BCAS3: variants seen among roughly 807,000 people sequenced by gnomAD.
BCAS3 encodes the protein BCAS4/BCAS3 fusion.
BCAS3 carries 53 observed loss-of-function variants against 116.1 expected under a neutral mutation model. The observed-to-expected ratio is 0.46, with a 90% CI of 0.37 to 0.57. The LOEUF (loss-of-function observed/expected upper bound fraction) is 0.57, where lower values mean the gene tolerates loss of function less well. Among genes scored for constraint, BCAS3 ranks in the 20% least tolerant of loss-of-function variants. The probability of loss-of-function intolerance (pLI) is 0.00; values close to 1 mark genes in which losing one functional copy is unlikely to be tolerated. For synonymous variants in BCAS3, 391 were observed against 408.2 expected (o/e 0.96, Z 0.51); for missense variants, 917 against 1,165.4 (o/e 0.79, Z 3.10).
rs1191137864 is a variant in BCAS3, at chr17:61,162,593, T to C, written c.2425+78029T>C. On this transcript the variant is annotated intron_variant, in intron 22 of 23. Transcript: ENST00000407086. This position sits in a 1 kb window ranked among gnomAD's most constrained non-coding sequence, Gnocchi z 5.6. ...TTATTGGTATGGTTCACTGATTTTT[T>C]TGGACTCTGCATTTATTTTAGCAGA... Among the ~76,000 whole-genome samples, 1 of 152,248 alleles carries C rather than the reference T, an allele frequency of 6.6e-6. No individual in the cohort carries two copies. Among genetic ancestry groups the C allele is most frequent in the Non-Finnish European group, 1.5e-5 (1 of 68,042 alleles).
Position 61,219,831 on chromosome 17 carries a change from A to C in BCAS3, c.2425+135267A>C, listed in dbSNP as rs2144375972. Reference sequence around the variant, plus strand: ...TTGAATTCCAGAGATGAGATTGTGTAACATAAAAAAGGAAAGGTCTTTTAA... The same window carrying C: ...TTGAATTCCAGAGATGAGATTGTGTCACATAAAAAAGGAAAGGTCTTTTAA... On this transcript the variant is annotated intron_variant, in intron 22 of 23. Transcript: ENST00000407086. This position sits in a 1 kb window ranked among gnomAD's most constrained non-coding sequence, Gnocchi z 5.2. Among the ~76,000 whole-genome samples, 1 of 152,318 alleles carries C rather than the reference A, an allele frequency of 6.6e-6. No individual in the cohort carries two copies. The highest frequency in any genetic ancestry group is 3.4e-3 in the Middle Eastern group (1 of 294).
chr17:60,815,447 A>T (rs1381491199), intron 7 of BCAS3, among the ~76,000 whole-genome samples: 2 of 150,950 alleles, frequency 1.3e-5, no homozygotes, highest in East Asian at 1.9e-4. Context: ...GTGTAATAAT[A>T]AAAAAAAAGG....
At chr17:60,766,587 C>T (rs1213781984) in intron 6 of BCAS3, among the ~76,000 whole-genome samples, 1 of 152,084 alleles carries the variant, frequency 6.6e-6, no homozygotes, top group Admixed American at 6.6e-5. Context: ...GAGGGGCACC[C>T]GGCTGTATGA....
intron 22 of BCAS3, among the ~76,000 whole-genome samples, chr17:61,218,895 T>C (rs2081954643): frequency 6.6e-6 from 1 of 152,122 alleles, no homozygotes; most frequent in African/African-American, 2.4e-5. Context: ...ACATTAAACA[T>C]AGGAGAACCA....
rs762257525 is a variant in BCAS3 at position 61,273,938 on chromosome 17, A to ATTTAT, written c.2426-94375_2426-94371dup. Among the ~76,000 whole-genome samples, 220 of 148,926 alleles carry ATTTAT rather than the reference A, an allele frequency of 1.5e-3. 1 individual carries two copies. The highest frequency in any genetic ancestry group is 2.7e-3 in the Non-Finnish European group (180 of 67,236). On this transcript the variant is annotated intron_variant, in intron 22 of 23. Transcript: ENST00000407086. ...CTTTTTTTTTTCCCCCACTGGCTTA[A>ATTTAT]TTTATTTTATTTTATTTTTTAAATT...
chr17:61,301,595 C>G (rs1458905449), intron 22 of BCAS3, among the ~76,000 whole-genome samples: 1 of 152,152 alleles, frequency 6.6e-6, no homozygotes, highest in Non-Finnish European at 1.5e-5. Flanking sequence ...CGAGATTGCA[C>G]CATTGCAGCC....
At chr17:60,894,953 G>A (rs1368167169) in intron 10 of BCAS3, among the ~76,000 whole-genome samples, 1 of 151,918 alleles carries the variant, frequency 6.6e-6, no homozygotes, top group Non-Finnish European at 1.5e-5. Flanking sequence ...ATGTGCTGTT[G>A]GTTTTGATTT....
intron 18 of BCAS3, 128 bp from the exon 19 acceptor site, chr17:61,040,664 A>G (rs1236270187): frequency 1.3e-6 from 1 of 762,548 alleles, no homozygotes; most frequent in Non-Finnish European, 2.2e-6. Flanking sequence ...TTTAATGATT[A>G]CAAGTTCATT....
intron 23 of BCAS3, among the ~76,000 whole-genome samples, chr17:61,385,648 G>T (rs953431968): frequency 6.6e-6 from 1 of 152,210 alleles, no homozygotes; most frequent in Non-Finnish European, 1.5e-5. Flanking sequence ...CGGGCAGCTC[G>T]GCTGGCTGCT....
chr17:61,270,732 T>TTTTTG (rs1348774530), intron 22 of BCAS3, among the ~76,000 whole-genome samples: 1 of 152,150 alleles, frequency 6.6e-6, no homozygotes, highest in East Asian at 1.9e-4. Context: ...AGGTTTATAT[T>TTTTTG]TTTTGTTTTG....
At chr17:61,267,674 A>T (rs1041153030) in intron 22 of BCAS3, among the ~76,000 whole-genome samples, 25 of 149,662 alleles carry the variant, frequency 1.7e-4, no homozygotes, top group African/African-American at 4.9e-4. Flanking sequence ...ATGAGCCAAG[A>T]TCGTGCCACT....
intron 5 of BCAS3, among the ~76,000 whole-genome samples, chr17:60,723,596 C>G (rs759834763): frequency 6.6e-6 from 1 of 151,948 alleles, no homozygotes; most frequent in Non-Finnish European, 1.5e-5. Context: ...TGTCATCAAG[C>G]CCAGGACATT....
rs1330588515 is a variant in BCAS3 at position 61,189,279 on chromosome 17, G to A, written c.2425+104715G>A. ...GTGTAATAGCAATCTAGGTAGAGAA[G>A]ATAAGCATAAGTGAAGGCACAGTAG... On this transcript the variant is annotated intron_variant, in intron 22 of 23. Coordinates refer to ENST00000407086, the MANE Select transcript of BCAS3 (RefSeq NM_017679.5). The surrounding 1 kb of genome is among the most constrained non-coding windows in gnomAD (Gnocchi z 4.5). Among the ~76,000 whole-genome samples the A allele has an allele frequency of 6.6e-6, 1 of 152,180 alleles. No individual in the cohort carries two copies. The highest frequency in any genetic ancestry group is 1.5e-5 in the Non-Finnish European group (1 of 68,042).
At chr17:61,335,280 A>G (rs1297112368) in intron 22 of BCAS3, among the ~76,000 whole-genome samples, 1 of 152,134 alleles carries the variant, frequency 6.6e-6, no homozygotes, top group Non-Finnish European at 1.5e-5. Flanking sequence ...CTGGCCTAAC[A>G]TGCTGAATCG....
chr17:61,377,330 A>G lies in BCAS3; in HGVS notation c.2593+8836A>G, dbSNP rs1603179365. Among the ~76,000 whole-genome samples, 1 of 152,154 alleles carries G rather than the reference A, an allele frequency of 6.6e-6. No homozygotes were observed. Among genetic ancestry groups the G allele is most frequent in the Non-Finnish European group, 1.5e-5 (1 of 68,010 alleles). ...GCAGCTGCGCCAGCGAGACTGTGGG[A>G]CAGCCGGTGGCCTCGGCAGGGGTGG... On this transcript the variant is annotated intron_variant, in intron 23 of 23. Coordinates refer to ENST00000407086, the MANE Select transcript of BCAS3 (RefSeq NM_017679.5). The surrounding 1 kb of genome is among the most constrained non-coding windows in gnomAD (Gnocchi z 4.6).
At position 61,229,812 on chromosome 17, in the gene BCAS3, G is replaced by A. The variant is rs76252157; in HGVS notation, c.2426-138515G>A. Among the ~76,000 whole-genome samples the A allele has an allele frequency of 7.7e-3, 1,179 of 152,290 alleles. 10 individuals are homozygous for A. Among genetic ancestry groups the A allele is most frequent in the African/African-American group, 0.027 (1,132 of 41,554 alleles). Reference sequence around the variant, plus strand: ...CCAGCTGAAAATTCTCCTGAAGCTAGGCTTTTATCTTCGAATTATAAGATA... The same window carrying A: ...CCAGCTGAAAATTCTCCTGAAGCTAAGCTTTTATCTTCGAATTATAAGATA... On this transcript the variant is annotated intron_variant, in intron 22 of 23. Coordinates refer to ENST00000407086, the MANE Select transcript of BCAS3 (RefSeq NM_017679.5). This position sits in a 1 kb window ranked among gnomAD's most constrained non-coding sequence, Gnocchi z 4.4.
chr17:60,725,834 G>A (rs112897020), intron 5 of BCAS3, among the ~76,000 whole-genome samples: 6,642 of 151,400 alleles, frequency 0.044, 528 homozygotes, highest in African/African-American at 0.15. Context: ...CCTGGGGGAG[G>A]GTTTTTTTTT....
intron 6 of BCAS3, among the ~76,000 whole-genome samples, chr17:60,803,933 C>A (rs1335354641): frequency 6.7e-6 from 1 of 149,712 alleles, no homozygotes; most frequent in Non-Finnish European, 1.5e-5. Flanking sequence ...TCTTGAGTAG[C>A]TGGGATTACA....
chr17:60,795,232 G>A (rs761508296), intron 6 of BCAS3, among the ~76,000 whole-genome samples: 7 of 152,122 alleles, frequency 4.6e-5, no homozygotes, highest in Non-Finnish European at 8.8e-5. Flanking sequence ...CGCTGTTGGT[G>A]TATAGAAGAA....
Sources: gnomAD v4.1 joint callset for allele counts (sites outside exome capture counted in the v4.1 genomes callset) on GRCh38, gnomAD v4.1.1 for gene constraint, Gnocchi (gnomAD v3.1) non-coding constraint, MANE v1.5 for transcripts, NCBI Gene and HGNC (gene_info 2026-07-23, HGNC 2026-07-21) for gene names.